SLC10A7: variants seen among roughly 807,000 people sequenced by gnomAD.
The protein encoded by SLC10A7 is solute carrier family 10 member 7, also known as sodium/bile acid cotransporter 7.
A neutral mutation model predicts 43.2 loss-of-function variants in SLC10A7; 29 were observed. The ratio of observed to expected loss-of-function variants is 0.67; its 90% confidence interval spans 0.50 to 0.92. The LOEUF (loss-of-function observed/expected upper bound fraction) is 0.92. Ranked by LOEUF, SLC10A7 falls within the 40% of genes least tolerant of loss-of-function variation. SLC10A7 has a pLI of 0.00. For missense variants in SLC10A7, 295 were observed against 403.2 expected, an observed-to-expected ratio of 0.73 and a Z score of 2.30; for synonymous variants, 152 against 144.8, an observed-to-expected ratio of 1.05 and a Z score of -0.35.
intron 4 of SLC10A7, among the ~76,000 whole-genome samples, chr4:146,465,796 G>C (rs1359008898): frequency 6.6e-6 from 1 of 152,160 alleles, no homozygotes; most frequent in Non-Finnish European, 1.5e-5. Flanking sequence ...AAAGATCGCA[G>C]TTTAACTGAA....
intron 5 of SLC10A7, among the ~76,000 whole-genome samples, chr4:146,364,978 T>A (rs565443776): frequency 1.1e-4 from 17 of 152,278 alleles, no homozygotes; most frequent in African/African-American, 4.1e-4. Flanking sequence ...ATTTCCTTTT[T>A]AATGCTGCTC....
At chr4:146,484,665 T>G (rs1027685499) in intron 4 of SLC10A7, among the ~76,000 whole-genome samples, 2 of 152,170 alleles carry the variant, frequency 1.3e-5, no homozygotes, top group Non-Finnish European at 2.9e-5. Flanking sequence ...AATAAAATTG[T>G]GCCAGATATG....
intron 3 of SLC10A7, among the ~76,000 whole-genome samples, chr4:146,505,426 G>A (rs1435804505): frequency 1.3e-5 from 2 of 152,108 alleles, no homozygotes; most frequent in African/African-American, 4.8e-5. Context: ...AAGGCCTCCA[G>A]TCAATGGTTA....
At chr4:146,433,133 T>G (rs941835256) in intron 5 of SLC10A7, among the ~76,000 whole-genome samples, 1 of 151,428 alleles carries the variant, frequency 6.6e-6, no homozygotes, top group East Asian at 1.9e-4. Flanking sequence ...GAAAAATTTT[T>G]GCAAGATATA....
At chr4:146,268,370 C>A (rs1728692441) in intron 10 of SLC10A7, among the ~76,000 whole-genome samples, 1 of 152,064 alleles carries the variant, frequency 6.6e-6, no homozygotes, top group Admixed American at 6.6e-5. Context: ...AAAGATAGGT[C>A]ATAAACTTGA....
chr4:146,367,519 A>G (rs1385356540), intron 5 of SLC10A7, among the ~76,000 whole-genome samples: 1 of 152,162 alleles, frequency 6.6e-6, no homozygotes, highest in Non-Finnish European at 1.5e-5. Flanking sequence ...CAAAACCCCA[A>G]TTGTTTATGC....
chr4:146,355,306 C>A (rs1735493785), intron 5 of SLC10A7, among the ~76,000 whole-genome samples: 1 of 152,138 alleles, frequency 6.6e-6, no homozygotes, highest in African/African-American at 2.4e-5. Context: ...CATCACTGGC[C>A]ATCAGAGAAA....
At chr4:146,451,238 A>AAAC (rs1042862355) in intron 4 of SLC10A7, among the ~76,000 whole-genome samples, 1 of 148,084 alleles carries the variant, frequency 6.8e-6, no homozygotes, top group Non-Finnish European at 1.5e-5. Context: ...CACCAAAAAA[A>AAAC]AAAAAAAAAA....
chr4:146,294,444 C>G (rs1460110420), intron 7 of SLC10A7, among the ~76,000 whole-genome samples: 1 of 152,176 alleles, frequency 6.6e-6, no homozygotes, highest in Non-Finnish European at 1.5e-5. Flanking sequence ...GTAATTATCA[C>G]AGTCCCCTTT....
intron 5 of SLC10A7, among the ~76,000 whole-genome samples, chr4:146,407,480 T>G (rs748374252): frequency 3.9e-5 from 6 of 152,194 alleles, no homozygotes; most frequent in Non-Finnish European, 8.8e-5. Context: ...ACAAAAGATT[T>G]CTAGAACTTT....
intron 5 of SLC10A7, among the ~76,000 whole-genome samples, chr4:146,428,825 T>C (rs538130309): frequency 3.3e-5 from 5 of 152,296 alleles, no homozygotes; most frequent in African/African-American, 1.2e-4. Context: ...TACAATGCTA[T>C]ATAATAGAAA....
intron 10 of SLC10A7, among the ~76,000 whole-genome samples, chr4:146,281,837 C>A (rs1729576770): frequency 6.6e-6 from 1 of 152,122 alleles, no homozygotes; most frequent in South Asian, 2.1e-4. Flanking sequence ...GAGTACTCAC[C>A]AAGTGCCAGG....
chr4:146,328,434 C>T (rs1382849627), intron 5 of SLC10A7, among the ~76,000 whole-genome samples: 4 of 152,216 alleles, frequency 2.6e-5, no homozygotes, highest in African/African-American at 9.7e-5. Flanking sequence ...GGGAATTAAT[C>T]TGCCCCACCT....
chr4:146,290,546 C>T lies in SLC10A7; in HGVS notation c.773+2383G>A, dbSNP rs538735956. Among the ~76,000 whole-genome samples the T allele has an allele frequency of 1.7e-3, 260 of 152,144 alleles. 1 individual carries two copies. The highest frequency in any genetic ancestry group is 5.6e-3 in the African/African-American group (234 of 41,494). Reference sequence around the variant, plus strand: ...TTTATCAAAGAAAGTGCTGGTTTGACTGTAAGTCAAGGAAGTTAAAAACCT... The same window carrying T: ...TTTATCAAAGAAAGTGCTGGTTTGATTGTAAGTCAAGGAAGTTAAAAACCT... On this transcript the variant is annotated intron_variant, in intron 9 of 11. Transcript: ENST00000335472.
chr4:146,275,164 G>C (rs1729128768), intron 10 of SLC10A7, among the ~76,000 whole-genome samples: 2 of 152,164 alleles, frequency 1.3e-5, no homozygotes, highest in African/African-American at 4.8e-5. Context: ...CAGTAGGCTT[G>C]AGCAAATCTG....
intron 5 of SLC10A7, among the ~76,000 whole-genome samples, chr4:146,397,833 C>A (rs1393020693): frequency 6.6e-6 from 1 of 152,152 alleles, no homozygotes; most frequent in Admixed American, 6.6e-5. Context: ...TTTAGGAATT[C>A]TCTGGGGTAT....
At chr4:146,387,010 G>A (rs1738054384) in intron 5 of SLC10A7, among the ~76,000 whole-genome samples, 1 of 152,152 alleles carries the variant, frequency 6.6e-6, no homozygotes, top group South Asian at 2.1e-4. Context: ...AGAATCGGAG[G>A]GAGAATTAGA....
intron 7 of SLC10A7, among the ~76,000 whole-genome samples, chr4:146,303,442 A>G (rs1323908570): frequency 6.6e-6 from 1 of 150,422 alleles, no homozygotes; most frequent in African/African-American, 2.5e-5. Context: ...CGGTGGCACA[A>G]TCTTGACTCA....
intron 4 of SLC10A7, among the ~76,000 whole-genome samples, chr4:146,463,477 AC>A (rs1732719866): frequency 6.6e-6 from 1 of 152,206 alleles, no homozygotes; most frequent in African/African-American, 2.4e-5. Context: ...TAATTCAGTC[AC>A]ATCTGTAATC....
Sources: gnomAD v4.1 joint callset for allele counts (sites outside exome capture counted in the v4.1 genomes callset) on GRCh38, gnomAD v4.1.1 for gene constraint, MANE v1.5 for transcripts, NCBI Gene and HGNC (gene_info 2026-07-23, HGNC 2026-07-21) for gene names.